Variants in IL1RAP observed in about 807,000 individuals in gnomAD.
IL1RAP encodes the protein interleukin 1 receptor accessory protein, also known as interleukin-1 receptor accessory protein.
IL1RAP carries 35 observed loss-of-function variants against 60.7 expected under a neutral mutation model. The ratio of observed to expected loss-of-function variants is 0.58; its 90% CI spans 0.44 to 0.76. The LOEUF (loss-of-function observed/expected upper bound fraction) is 0.76. IL1RAP is among the 30% of genes least tolerant of loss of function. The pLI, the probability that IL1RAP is intolerant of heterozygous loss-of-function variation, is 0.00. For synonymous variants in IL1RAP, 268 were observed against 250.9 expected, an observed-to-expected ratio of 1.07 and a Z score of -0.64; for missense variants, 572 against 693.9, an observed-to-expected ratio of 0.82 and a Z score of 1.97.
chr3:190,655,411 C>G (rs1297574771), downstream of IL1RAP, among the ~76,000 whole-genome samples: 1 of 152,034 alleles, frequency 6.6e-6, no homozygotes, highest in Non-Finnish European at 1.5e-5. Flanking sequence ...TTCAAATATT[C>G]TAAACATTTA....
At chr3:190,544,535 A>T (rs573217473) in intron 1 of IL1RAP, among the ~76,000 whole-genome samples, 2 of 152,286 alleles carry the variant, frequency 1.3e-5, no homozygotes, top group East Asian at 3.9e-4. Flanking sequence ...AACTACCTCC[A>T]GTAGGAGTAA....
chr3:190,628,383 C>T (rs1384361270), intron 8 of IL1RAP, among the ~76,000 whole-genome samples: 2 of 152,140 alleles, frequency 1.3e-5, no homozygotes, highest in African/African-American at 2.4e-5. Context: ...GTTGTTCCAC[C>T]TTGCTGCTGT....
At chr3:190,607,468 T>C (rs1274046060) in intron 4 of IL1RAP, among the ~76,000 whole-genome samples, 1 of 152,216 alleles carries the variant, frequency 6.6e-6, no homozygotes, top group African/African-American at 2.4e-5. Context: ...GTGGGACTTA[T>C]ATTTTACAGA....
chr3:190,553,165 C>G (rs1168574863), intron 1 of IL1RAP, among the ~76,000 whole-genome samples: 2 of 152,158 alleles, frequency 1.3e-5, no homozygotes, highest in African/African-American at 2.4e-5. Flanking sequence ...ACATGCCACG[C>G]CCCCGAGGAC....
chr3:190,590,968 T>A (rs1363479560), intron 3 of IL1RAP, among the ~76,000 whole-genome samples: 1 of 152,208 alleles, frequency 6.6e-6, no homozygotes, highest in Non-Finnish European at 1.5e-5. Flanking sequence ...ACTCAAGTTA[T>A]CTTTCTGGGT....
Position 190,604,318 on chromosome 3 carries a change from C to A in IL1RAP, c.255C>A (p.Phe85Leu). ...QDRDLEEPIN[F>L]RLPENRISKE... The stretch of plus-strand genomic sequence containing the variant: ...GGGACCTTGAGGAGCCAATTAACTT[C>A]CGCCTCCCCGAGAACCGCATTAGTA... The change falls in exon 4 of 12, where the codon TTC becomes TTA. Residue 85 changes from phenylalanine (F) to leucine (L), a missense_variant. Transcript: ENST00000447382. 1 of 1,613,890 alleles carries A rather than the reference C, an allele frequency of 6.2e-7. No individual in the cohort carries two copies.
chr3:190,627,713 G>A (rs78860278), intron 8 of IL1RAP, among the ~76,000 whole-genome samples: 2,851 of 152,244 alleles, frequency 0.019, 97 homozygotes, highest in African/African-American at 0.065. Flanking sequence ...TTGTCCAGAG[G>A]ACATGCACCC....
intron 3 of IL1RAP, among the ~76,000 whole-genome samples, chr3:190,569,302 G>T (rs1278171683): frequency 6.6e-6 from 1 of 151,976 alleles, no homozygotes; most frequent in African/African-American, 2.4e-5. Context: ...TCACCTTTTG[G>T]TAAGAATTCA....
chr3:190,644,629 A>G (rs1733883466), intron 10 of IL1RAP, among the ~76,000 whole-genome samples: 1 of 152,194 alleles, frequency 6.6e-6, no homozygotes, highest in Non-Finnish European at 1.5e-5. Context: ...CCAAATAGAA[A>G]TATAATGCGA....
chr3:190,649,781 A>G lies in IL1RAP; in HGVS notation c.*1076A>G, dbSNP rs1734281427. On this transcript the variant is annotated 3_prime_UTR_variant, in exon 12 of 12. Coordinates refer to ENST00000447382, the MANE Select transcript of IL1RAP (RefSeq NM_002182.4). ...TTTCCTGTCACCTATTCACTAGTGCAGGAAATATACTTGCTCCAAATAAGT... is the reference window on the plus strand; with the variant it reads ...TTTCCTGTCACCTATTCACTAGTGCGGGAAATATACTTGCTCCAAATAAGT... 1 of 985,376 alleles carries G rather than the reference A, an allele frequency of 1.0e-6. No individual in the cohort carries two copies. Among genetic ancestry groups the G allele is most frequent in the Non-Finnish European group, 1.2e-6 (1 of 829,894 alleles). 61.0% of individuals were successfully genotyped at this position (985,376 alleles called of 1,614,324 possible).
intron 1 of IL1RAP, among the ~76,000 whole-genome samples, chr3:190,550,915 C>T (rs1408234776): frequency 6.6e-6 from 1 of 152,160 alleles, no homozygotes; most frequent in Non-Finnish European, 1.5e-5. Context: ...AGACTTTAGT[C>T]TTATATTTGG....
At chr3:190,550,585 A>C (rs1046363089) in intron 1 of IL1RAP, 1 of 152,234 alleles carries the variant, frequency 6.6e-6, no homozygotes, top group South Asian at 2.1e-4. Context: ...CTTTCCCAAA[A>C]AGGAAACCTC....
chr3:190,522,431 CTAT>C (rs1560135991), intron 1 of IL1RAP, among the ~76,000 whole-genome samples: 19 of 143,396 alleles, frequency 1.3e-4, no homozygotes, highest in Non-Finnish European at 2.6e-4. Context: ...ATCTATCTAT[CTAT>C]CTATCTATCT....
chr3:190,528,595 T>C (rs375141838), intron 1 of IL1RAP, among the ~76,000 whole-genome samples: 44 of 152,274 alleles, frequency 2.9e-4, no homozygotes, highest in African/African-American at 9.6e-4. Flanking sequence ...GGCAAGACAC[T>C]GGTGAGATAT....
intron 3 of IL1RAP, among the ~76,000 whole-genome samples, chr3:190,591,106 A>G (rs1164243597): frequency 6.6e-6 from 1 of 152,194 alleles, no homozygotes; most frequent in Non-Finnish European, 1.5e-5. Context: ...AACATCAACA[A>G]CATTTGTTGA....
intron 3 of IL1RAP, among the ~76,000 whole-genome samples, chr3:190,567,227 G>A (rs1726492985): frequency 6.6e-6 from 1 of 152,164 alleles, no homozygotes; most frequent in Admixed American, 6.5e-5. Context: ...CTCAGGAATG[G>A]GGGAGCAACA....
In IL1RAP at chr3:190,648,964, A is replaced by G. The variant is rs562577472; in HGVS notation, c.*259A>G. ...GCAGGCAAAGACTTGTTCAATGCGA[A>G]TTTCCCCTTCTACATTGTCTATCCC... is the stretch of plus-strand genomic sequence containing the variant. On this transcript the variant is annotated 3_prime_UTR_variant, in exon 12 of 12. Transcript: ENST00000447382. 8.3e-7 allele frequency: 1 copy of G among 1,197,836 alleles called. No homozygotes were observed. The highest frequency in any genetic ancestry group is 1.6e-5 in the African/African-American group (1 of 63,806). 74.2% of individuals were successfully genotyped at this position (1,197,836 alleles called of 1,614,324 possible). A position where few individuals can be genotyped will look rare whatever the true frequency, so the allele number is the denominator to read the frequency against.
At chr3:190,540,513 T>C (rs1417821807) in intron 1 of IL1RAP, among the ~76,000 whole-genome samples, 3 of 152,242 alleles carry the variant, frequency 2.0e-5, no homozygotes, top group African/African-American at 7.2e-5. Flanking sequence ...CCAATACTTA[T>C]TCATTATTTT....
intron 5 of IL1RAP, among the ~76,000 whole-genome samples, chr3:190,619,029 T>G (rs924295652): frequency 1.3e-5 from 2 of 152,162 alleles, no homozygotes; most frequent in African/African-American, 4.8e-5. Flanking sequence ...TAAAAAAAAT[T>G]GAAGTTACAA....
Sources: allele counts gnomAD v4.1 joint callset (sites outside exome capture counted in the v4.1 genomes callset), GRCh38; gene constraint gnomAD v4.1.1; transcripts MANE v1.5; gene names NCBI Gene and HGNC (gene_info 2026-07-23, HGNC 2026-07-21).